The following ARRDC1 variants were observed in gnomAD, a reference collection of about 807,000 sequenced individuals.
ARRDC1 encodes arrestin domain containing 1, also known as arrestin domain-containing protein 1.
A neutral mutation model predicts 40.1 loss-of-function variants in ARRDC1; 37 were observed. The ratio of observed to expected loss-of-function variants is 0.92; its 90% CI spans 0.71 to 1.21. ARRDC1 has a LOEUF of 1.21. Ranked by LOEUF, ARRDC1 falls within the 50% of genes most tolerant of loss-of-function variation. The pLI is 0.00. For synonymous variants in ARRDC1, 310 were observed against 262.5 expected, an observed-to-expected ratio of 1.18 and a Z score of -1.75; for missense variants, 641 against 581.9, an observed-to-expected ratio of 1.10 and a Z score of -1.04.
At chr9:137,606,637 C>T (rs1327280940) in intron 1 of ARRDC1, among the ~76,000 whole-genome samples, 1 of 152,244 alleles carries the variant, frequency 6.6e-6, no homozygotes, top group African/African-American at 2.4e-5. Flanking sequence ...GTGGCCCTGA[C>T]CCTGCACCGC....
chr9:137,614,660 G>C lies in ARRDC1; in HGVS notation c.897G>C (p.Leu299=). 13 of 1,612,642 alleles carry C rather than the reference G, an allele frequency of 8.1e-6. No individual in the cohort carries two copies. Among genetic ancestry groups the C allele is most frequent in the Non-Finnish European group, 1.1e-5 (13 of 1,179,816 alleles). The stretch of plus-strand genomic sequence containing the variant: ...TGAGCCCCCGGCCAGGCCTGGGGCT[G>C]CCTCCTGGGGCCCCACCCCTGGTGG... ...APVSPRPGLG[L]PPGAPPLVVP... is the part of the protein sequence containing the mutation. Residue 299 remains leucine (L), a synonymous_variant, in exon 7 of 8, where the codon CTG becomes CTC. Coordinates refer to ENST00000371421, the MANE Select transcript of ARRDC1 (RefSeq NM_152285.4).
intron 1 of ARRDC1, among the ~76,000 whole-genome samples, chr9:137,609,957 G>A (rs745358476): frequency 2.3e-4 from 35 of 152,136 alleles, no homozygotes; most frequent in Non-Finnish European, 3.1e-4. Context: ...GGGACTACAG[G>A]CGCCCGCCAC....
intron 1 of ARRDC1, chr9:137,612,596 C>T: frequency 2.9e-6 from 1 of 339,740 alleles, no homozygotes; most frequent in South Asian, 2.9e-5. Context: ...GCCAAGGTTA[C>T]CAATCTGGGG....
intron 4 of ARRDC1, 117 bp downstream of exon 4, chr9:137,613,886 AGGGT>A: frequency 6.5e-7 from 1 of 1,529,792 alleles, no homozygotes; most frequent in Non-Finnish European, 8.9e-7. Context: ...GAGGGGGGCC[AGGGT>A]CTGGAGGCAG....
At chr9:137,609,352 A>G (rs2133330204) in intron 1 of ARRDC1, among the ~76,000 whole-genome samples, 1 of 152,052 alleles carries the variant, frequency 6.6e-6, no homozygotes, top group South Asian at 2.1e-4. Context: ...CTTCTGCCTC[A>G]GACTCCCGAG....
Position 137,613,508 on chromosome 9 carries a change from C to T in ARRDC1, c.278C>T (p.Pro93Leu). ...EHSFPFQFLLPATAPTSFEGP... is the reference protein window; with the variant it reads ...EHSFPFQFLLLATAPTSFEGP... ...AGCTTCCCCTTCCAGTTCCTGCTTC[C>T]TGGTGAGAGCCCAGCCTGGACAGGC... The change falls in exon 3 of 8, where the codon CCT becomes CTT. Residue 93 changes from proline (P) to leucine (L), a missense_variant and splice_region_variant. Transcript: ENST00000371421. The T allele has an allele frequency of 1.2e-6, 2 of 1,613,814 alleles. No individual in the cohort carries two copies. The highest frequency in any genetic ancestry group is 8.5e-7 in the Non-Finnish European group (1 of 1,179,956).
At chr9:137,607,979 TA>T (rs1564498769) in intron 1 of ARRDC1, among the ~76,000 whole-genome samples, 1 of 152,180 alleles carries the variant, frequency 6.6e-6, no homozygotes, top group Non-Finnish European at 1.5e-5. Flanking sequence ...TTTTTATTTT[TA>T]TTTTTTTAAT....
Position 137,605,701 on chromosome 9 carries a change from G to C in ARRDC1, c.-17G>C. ...GGGCGGGGGCGTCGCTGCGCGGCTG[G>C]CCGGTGAGGCCGCGGCATGGGGCGA... On this transcript the variant is annotated 5_prime_UTR_variant, in exon 1 of 8. Coordinates refer to ENST00000371421, the MANE Select transcript of ARRDC1 (RefSeq NM_152285.4). 7.4e-7 allele frequency: 1 copy of C among 1,344,910 alleles called. No individual in the cohort carries two copies. Among genetic ancestry groups the C allele is most frequent in the South Asian group, 1.7e-5 (1 of 58,278 alleles). 83.3% of individuals were successfully genotyped at this position (1,344,910 alleles called of 1,614,324 possible).
intron 1 of ARRDC1, among the ~76,000 whole-genome samples, chr9:137,608,342 G>A (rs1842459273): frequency 2.6e-5 from 4 of 152,246 alleles, no homozygotes. Flanking sequence ...CCCCTGCAAA[G>A]AGGTGCAACG....
At position 137,614,220 on chromosome 9, in the gene ARRDC1, A is replaced by G; in HGVS notation, c.618+6A>G. The G allele has an allele frequency of 6.3e-7, 1 of 1,584,480 alleles. No homozygotes were observed. The highest frequency in any genetic ancestry group is 8.6e-7 in the Non-Finnish European group (1 of 1,161,412). On this transcript the variant is annotated splice_donor_region_variant and intron_variant, in intron 5 of 7. Transcript: ENST00000371421. ...TGGTGGCCAGTCTGCTGCAGGTCAG[A>G]GCCCCCGCCAGTTGCCTGGACCGGC...
Position 137,614,200 on chromosome 9 carries a change from G to T in ARRDC1, c.604G>T (p.Ala202Ser). The change falls in exon 5 of 8, where the codon GCC becomes TCC. Residue 202 changes from alanine to serine, a missense_variant. Coordinates refer to ENST00000371421, the MANE Select transcript of ARRDC1 (RefSeq NM_152285.4). ...QSGKDTSPVV[A>S]SLLQKVSYKA... ...AGGCAAGGACACCAGCCCTGTGGTG[G>T]CCAGTCTGCTGCAGGTCAGAGCCCC... 6.3e-7 allele frequency: 1 copy of T among 1,598,902 alleles called. No individual in the cohort carries two copies. The highest frequency in any genetic ancestry group is 2.2e-5 in the East Asian group (1 of 44,562).
At chr9:137,610,020 C>T (rs372644197) in intron 1 of ARRDC1, among the ~76,000 whole-genome samples, 63 of 152,070 alleles carry the variant, frequency 4.1e-4, no homozygotes, top group Middle Eastern at 3.4e-3. Context: ...TTCACCGTGT[C>T]AGCCAGGATG....
Position 137,614,710 on chromosome 9 carries a change from A to C in ARRDC1, c.947A>C (p.Glu316Ala), listed in dbSNP as rs890707783. The change falls in exon 7 of 8, where the codon GAG becomes GCG. Residue 316 changes from glutamate (E) to alanine (A), a missense_variant. Transcript: ENST00000371421. ...LVVPSAPPQE[E>A]AEAEAAAGGP... ...GTGCCTTCCGCACCACCCCAGGAGG[A>C]GGCTGAGGCTGAGGCTGCGGCTGGC... The C allele has an allele frequency of 3.1e-6, 5 of 1,607,070 alleles. No homozygotes were observed. The highest frequency in any genetic ancestry group is 2.2e-5 in the South Asian group (2 of 90,742).
At chr9:137,612,527 C>G (rs973795314) in intron 1 of ARRDC1, 2 of 258,508 alleles carry the variant, frequency 7.7e-6, no homozygotes, top group African/African-American at 4.7e-5. Flanking sequence ...AAGATGCGCC[C>G]CTTGGTGTGT....
intron 1 of ARRDC1, among the ~76,000 whole-genome samples, chr9:137,606,508 C>G (rs1250850662): frequency 1.3e-5 from 2 of 152,268 alleles, no homozygotes; most frequent in Non-Finnish European, 1.5e-5. Flanking sequence ...AGCCCCTGGA[C>G]TTGCCGCTGG....
intron 4 of ARRDC1, 55 bp from the exon 5 acceptor site, chr9:137,613,977 A>T: frequency 6.3e-7 from 1 of 1,597,330 alleles, no homozygotes; most frequent in Non-Finnish European, 8.6e-7. Flanking sequence ...TCCCAATGCC[A>T]CAGGGATCCA....
rs976588575 is a variant in ARRDC1 at position 137,613,861 on chromosome 9, G to T, written c.435+92G>T. On this transcript the variant is annotated intron_variant, in intron 4 of 7. Transcript: ENST00000371421. ...AGGCACTGCTTCATCCCAGCGTCCT[G>T]TCCCCAGCTGAGGTGAGGGGGGCCA... The T allele has an allele frequency of 6.0e-5, 93 of 1,558,548 alleles. No individual in the cohort carries two copies. The African/African-American group carries it at 1.2e-3, about 19-fold the overall frequency.
Position 137,614,435 on chromosome 9 carries a change from T to C in ARRDC1, c.755T>C (p.Leu252Pro), listed in dbSNP as rs1457107432. The change falls in exon 6 of 8, where the codon CTG (leucine) becomes CCG (proline). Residue 252 changes from leucine to proline, a missense_variant. Transcript: ENST00000371421. ...GTGCCTGCCTTGCCCCAGTCGGCCC[T>C]GCCGGGCTGCAGCCTCATCCACATC... Reference protein sequence around the residue: ...ILVPALPQSALPGCSLIHIDY... With the variant: ...ILVPALPQSAPPGCSLIHIDY... 6.2e-7 allele frequency: 1 copy of C among 1,613,302 alleles called. No individual in the cohort carries two copies. Among genetic ancestry groups the C allele is most frequent in the Admixed American group, 1.7e-5 (1 of 60,028 alleles).
At chr9:137,607,748 C>T (rs1296179379) in intron 1 of ARRDC1, among the ~76,000 whole-genome samples, 3 of 152,148 alleles carry the variant, frequency 2.0e-5, no homozygotes, top group South Asian at 4.1e-4. Context: ...CTGTGGCAGG[C>T]GTGAGTCCTT....
Sources: gnomAD v4.1 joint callset for allele counts (sites outside exome capture counted in the v4.1 genomes callset) on GRCh38, gnomAD v4.1.1 for gene constraint, MANE v1.5 for transcripts, NCBI Gene and HGNC (gene_info 2026-07-23, HGNC 2026-07-21) for gene names.